The following ASTN2 variants were observed in gnomAD, a reference collection of about 807,000 sequenced individuals.
The protein encoded by ASTN2 is astrotactin-2.
In ASTN2, 54 loss-of-function variants were observed where a neutral mutation model predicts 139.8. The observed-to-expected ratio is 0.39, with a 90% CI of 0.31 to 0.48. ASTN2 has a LOEUF of 0.48. ASTN2 is among the 20% of genes least tolerant of loss of function. ASTN2 has a pLI of 0.95. For missense variants in ASTN2, 1,565 were observed against 1,725.1 expected (o/e 0.91, Z 1.64); for synonymous variants, 756 against 719.5 (o/e 1.05, Z -0.81).
intron 4 of ASTN2, among the ~76,000 whole-genome samples, chr9:117,108,069 T>C (rs1331085702): frequency 3.3e-5 from 5 of 152,158 alleles, no homozygotes; most frequent in Non-Finnish European, 4.4e-5. Flanking sequence ...GGTACAATCA[T>C]TGAGTACATG....
At chr9:117,181,058 T>C in intron 3 of ASTN2, 3 of 1,422,304 alleles carry the variant, frequency 2.1e-6, no homozygotes, top group South Asian at 1.1e-5. Context: ...TAAACATACA[T>C]CTGAAAGGCC....
chr9:117,042,449 T>A (rs1414453428), intron 5 of ASTN2, among the ~76,000 whole-genome samples: 1 of 152,102 alleles, frequency 6.6e-6, no homozygotes, highest in Non-Finnish European at 1.5e-5. Flanking sequence ...GAACTATACA[T>A]GAGATTGTGG....
intron 2 of ASTN2, among the ~76,000 whole-genome samples, chr9:117,240,176 G>T (rs537788372): frequency 2.1e-4 from 32 of 152,298 alleles, no homozygotes; most frequent in African/African-American, 7.7e-4. Context: ...GGTCACACTG[G>T]TGACTAAGAT....
chr9:116,813,115 TG>T (rs1482426144), intron 12 of ASTN2, among the ~76,000 whole-genome samples: 1 of 151,970 alleles, frequency 6.6e-6, no homozygotes, highest in Admixed American at 6.6e-5. Flanking sequence ...TTCTAAAGAG[TG>T]TAGGCTCACA....
At chr9:117,363,568 C>G (rs1293669638) in intron 1 of ASTN2, among the ~76,000 whole-genome samples, 1 of 152,112 alleles carries the variant, frequency 6.6e-6, no homozygotes, top group East Asian at 1.9e-4. Flanking sequence ...GTATGAAATG[C>G]CAGCAGAACA....
chr9:116,912,899 A>AATTATT (rs1245492924), intron 10 of ASTN2, among the ~76,000 whole-genome samples: 1 of 151,898 alleles, frequency 6.6e-6, no homozygotes, highest in Non-Finnish European at 1.5e-5. Context: ...TCATCCAGGT[A>AATTATT]ATTATTATTA....
intron 19 of ASTN2, among the ~76,000 whole-genome samples, chr9:116,514,789 C>G (rs1850568165): frequency 1.3e-5 from 2 of 152,206 alleles, no homozygotes; most frequent in African/African-American, 4.8e-5. Context: ...ATGGGACCCT[C>G]TGATCCTGGT....
chr9:116,650,413 T>C (rs1177739951), intron 17 of ASTN2, among the ~76,000 whole-genome samples: 1 of 152,178 alleles, frequency 6.6e-6, no homozygotes, highest in East Asian at 1.9e-4. Flanking sequence ...AGCAATAATT[T>C]CATGGCTAAG....
At chr9:116,869,043 G>A (rs1588369259) in intron 10 of ASTN2, among the ~76,000 whole-genome samples, 1 of 152,084 alleles carries the variant, frequency 6.6e-6, no homozygotes, top group South Asian at 2.1e-4. Context: ...TAATTAGCAG[G>A]GTGTGGTGGT....
intron 2 of ASTN2, among the ~76,000 whole-genome samples, chr9:117,241,378 T>A (rs1445915652): frequency 1.3e-5 from 2 of 152,186 alleles, no homozygotes; most frequent in African/African-American, 4.8e-5. Context: ...AGGGAGAATC[T>A]TCTGAAGTAG....
chr9:116,644,054 C>T (rs1014706657), intron 17 of ASTN2, among the ~76,000 whole-genome samples: 4 of 151,772 alleles, frequency 2.6e-5, no homozygotes, highest in African/African-American at 9.7e-5. Flanking sequence ...GGGGCTATAG[C>T]GAGGGTGATG....
intron 10 of ASTN2, among the ~76,000 whole-genome samples, chr9:116,887,344 G>A (rs1228125993): frequency 2.0e-5 from 3 of 151,994 alleles, no homozygotes; most frequent in Non-Finnish European, 2.9e-5. Flanking sequence ...AGATGGAGAT[G>A]CCTGGGGAGA....
At chr9:116,975,868 A>G (rs1836328539) in intron 9 of ASTN2, among the ~76,000 whole-genome samples, 1 of 152,194 alleles carries the variant, frequency 6.6e-6, no homozygotes, top group South Asian at 2.1e-4. Flanking sequence ...CACTGGACTT[A>G]ATAATCAGTA....
In ASTN2 at chr9:117,312,507, T is replaced by C. The variant is rs545987573; in HGVS notation, c.443-20994A>G. On this transcript the variant is annotated intron_variant, in intron 1 of 22. Coordinates refer to ENST00000313400, the MANE Select transcript of ASTN2 (RefSeq NM_001365068.1). ...AGCCTTCTAATTTTAGTAAGTGATA[T>C]TAGTTTTCCAATCATCATTATGCTA... Among the ~76,000 whole-genome samples the C allele has an allele frequency of 6.6e-5, 10 of 152,326 alleles. 1 individual carries two copies. In the South Asian group the frequency reaches 2.1e-3, roughly 32 times the overall value.
chr9:117,199,600 G>A (rs1302474620), intron 3 of ASTN2, among the ~76,000 whole-genome samples: 1 of 151,900 alleles, frequency 6.6e-6, no homozygotes, highest in Non-Finnish European at 1.5e-5. Flanking sequence ...GATTGTCTTG[G>A]CTACATGGGT....
intron 1 of ASTN2, among the ~76,000 whole-genome samples, chr9:117,405,601 T>C (rs554507785): frequency 8.5e-5 from 13 of 152,050 alleles, no homozygotes; most frequent in South Asian, 2.1e-4. Context: ...GGAAAACACA[T>C]AGGGGTCAGT....
chr9:116,978,500 C>CACACACACAT (rs1836420299), intron 7 of ASTN2, among the ~76,000 whole-genome samples: 1 of 138,624 alleles, frequency 7.2e-6, no homozygotes, highest in Non-Finnish European at 1.6e-5. Flanking sequence ...CTCACGCACA[C>CACACACACAT]ACACACACAC....
intron 2 of ASTN2, among the ~76,000 whole-genome samples, chr9:117,290,908 G>A (rs1376420891): frequency 6.6e-6 from 1 of 152,196 alleles, no homozygotes; most frequent in East Asian, 1.9e-4. Context: ...GACACATCAA[G>A]GGTACTTAGG....
Position 116,725,969 on chromosome 9 carries a change from T to G in ASTN2, c.2627-19A>C. The G allele has an allele frequency of 6.2e-7, 1 of 1,601,546 alleles. No individual in the cohort carries two copies. The highest frequency in any genetic ancestry group is 1.1e-5 in the South Asian group (1 of 89,190). On this transcript the variant is annotated intron_variant, in intron 15 of 22. Coordinates refer to ENST00000313400, the MANE Select transcript of ASTN2 (RefSeq NM_001365068.1). ...GTGAAGCCTGGACAAGAGAGGAGCA[T>G]GTGGAGGTGGTCAGATGTGAGAGGC...
Sources: allele counts gnomAD v4.1 joint callset (sites outside exome capture counted in the v4.1 genomes callset), GRCh38; gene constraint gnomAD v4.1.1; transcripts MANE v1.5; gene names NCBI Gene and HGNC (gene_info 2026-07-23, HGNC 2026-07-21).